ZNF710: variants seen among roughly 807,000 people sequenced by gnomAD.
ZNF710 encodes zinc finger protein 710.
A neutral mutation model predicts 50.6 loss-of-function variants in ZNF710; 13 were observed. The ratio of observed to expected loss-of-function variants is 0.26; its 90% confidence interval spans 0.17 to 0.41. The LOEUF (loss-of-function observed/expected upper bound fraction) is 0.41, where lower values mean the gene tolerates loss of function less well. Among genes scored for constraint, ZNF710 ranks in the 10% least tolerant of loss-of-function variants. The pLI, the probability that ZNF710 is intolerant of heterozygous loss-of-function variation, is 1.00. For missense variants in ZNF710, 721 were observed against 936.6 expected (o/e 0.77, Z 3.01); for synonymous variants, 383 against 397.0 (o/e 0.96, Z 0.42).
intron 1 of ZNF710, among the ~76,000 whole-genome samples, chr15:90,002,106 G>C (rs1229652143): frequency 3.3e-5 from 5 of 151,324 alleles, no homozygotes; most frequent in African/African-American, 9.7e-5. Context: ...CCGGTGCTGG[G>C]TGCGCTCCCC....
In ZNF710 at chr15:90,046,955, C is replaced by T. The variant is rs1269551229; in HGVS notation, c.-28-20155C>T. ...GGAGGCCACCATTGCTCTTCCTGGC[C>T]CCACCTGCTTCTCAGCATACTGCTG... On this transcript the variant is annotated intron_variant, in intron 1 of 4. Coordinates refer to ENST00000268154, the MANE Select transcript of ZNF710 (RefSeq NM_198526.4). Among the ~76,000 whole-genome samples the T allele has an allele frequency of 2.6e-5, 4 of 152,174 alleles. No individual in the cohort carries two copies. The East Asian group carries it at 7.7e-4, about 29-fold the overall frequency.
chr15:90,072,729 A>C lies in ZNF710; in HGVS notation c.1459-342A>C, dbSNP rs572858132. On this transcript the variant is annotated intron_variant, in intron 2 of 4. Coordinates refer to ENST00000268154, the MANE Select transcript of ZNF710 (RefSeq NM_198526.4). ...CAGGTGCCCGGTAAATGGTTGTTGA[A>C]TGAATGAATGAATGAGCACACATTT... is the stretch of plus-strand genomic sequence containing the variant. Among the ~76,000 whole-genome samples, 92 of 152,178 alleles carry C rather than the reference A, an allele frequency of 6.0e-4. No individual in the cohort carries two copies. The East Asian group carries it at 0.015, about 24-fold the overall frequency.
chr15:90,072,850 C>G (rs1900438342), intron 2 of ZNF710, among the ~76,000 whole-genome samples: 1 of 152,218 alleles, frequency 6.6e-6, no homozygotes, highest in Non-Finnish European at 1.5e-5. Flanking sequence ...CAGCCTATTT[C>G]TATTACTGAA....
chr15:90,005,320 A>C lies in ZNF710; in HGVS notation c.-29+3706A>C, dbSNP rs151124594. Among the ~76,000 whole-genome samples the C allele has an allele frequency of 3.2e-3, 491 of 152,288 alleles. 2 individuals carry two copies. The highest frequency in any genetic ancestry group is 0.01 in the African/African-American group (426 of 41,552). ...GGGAGGTGATTGATGGGAGCTGCAG[A>C]GTTGTGCTGTGAGTCATTGCTTCAA... On this transcript the variant is annotated intron_variant, in intron 1 of 4. Coordinates refer to ENST00000268154, the MANE Select transcript of ZNF710 (RefSeq NM_198526.4).
chr15:90,073,187 C>T lies in ZNF710; in HGVS notation c.1575C>T (p.Phe525=), dbSNP rs369313737. ...GGCCCTACCAGTGCCACATCTGCTT[C>T]AAGACCTTTGTACAGAAGCAGACTC... The part of the protein sequence containing the change: ...SVRPYQCHIC[F]KTFVQKQTLK... Residue 525 remains phenylalanine, a synonymous_variant, in exon 3 of 5, where the codon TTC becomes TTT. Coordinates refer to ENST00000268154, the MANE Select transcript of ZNF710 (RefSeq NM_198526.4). 3.7e-6 allele frequency: 6 copies of T among 1,614,104 alleles called. No individual in the cohort carries two copies. The highest frequency in any genetic ancestry group is 5.1e-6 in the Non-Finnish European group (6 of 1,180,050).
chr15:90,019,008 T>G (rs1181630778), intron 1 of ZNF710, among the ~76,000 whole-genome samples: 1 of 151,760 alleles, frequency 6.6e-6, no homozygotes, highest in Non-Finnish European at 1.5e-5. Flanking sequence ...TGATTTTTTT[T>G]TCTTGCTACA....
intron 1 of ZNF710, among the ~76,000 whole-genome samples, chr15:90,049,635 G>C (rs1210127988): frequency 6.6e-6 from 1 of 152,192 alleles, no homozygotes; most frequent in Non-Finnish European, 1.5e-5. Flanking sequence ...TCTGGGCTGA[G>C]CTGACCACGT....
At chr15:90,016,009 G>T (rs1023989596) in intron 1 of ZNF710, among the ~76,000 whole-genome samples, 8 of 152,170 alleles carry the variant, frequency 5.3e-5, no homozygotes, top group African/African-American at 1.9e-4. Context: ...GAGAGAGAGG[G>T]ATAGAATGCC....
At chr15:90,046,812 T>G (rs535951896) in intron 1 of ZNF710, among the ~76,000 whole-genome samples, 1 of 152,108 alleles carries the variant, frequency 6.6e-6, no homozygotes, top group South Asian at 2.1e-4. Context: ...AGCTGTGGTG[T>G]GGGTAAAGGT....
At position 90,045,917 on chromosome 15, in the gene ZNF710, G is replaced by A. The variant is rs189249937; in HGVS notation, c.-28-21193G>A. ...TGTCTCGGCACATTTCTGCCCTGTA[G>A]AAGGGGCACGTCGGGCAGCGGGCCT... is the stretch of plus-strand genomic sequence containing the variant. On this transcript the variant is annotated intron_variant, in intron 1 of 4. Coordinates refer to ENST00000268154, the MANE Select transcript of ZNF710 (RefSeq NM_198526.4). Among the ~76,000 whole-genome samples the A allele has an allele frequency of 6.7e-3, 1,019 of 152,274 alleles. 4 individuals carry two copies. Among genetic ancestry groups the A allele is most frequent in the Non-Finnish European group, 0.011 (715 of 68,016 alleles).
chr15:90,051,978 A>G (rs1240155870), intron 1 of ZNF710, among the ~76,000 whole-genome samples: 2 of 152,052 alleles, frequency 1.3e-5, no homozygotes, highest in African/African-American at 2.4e-5. Flanking sequence ...CTGGACTGAG[A>G]ACCATGTATC....
At chr15:90,061,001 CTG>C (rs1899989562) in intron 1 of ZNF710, among the ~76,000 whole-genome samples, 2 of 152,188 alleles carry the variant, frequency 1.3e-5, no homozygotes, top group African/African-American at 4.8e-5. Flanking sequence ...ACTGCTGAGG[CTG>C]TGTCAGGGAG....
chr15:90,065,064 A>T (rs564822171), intron 1 of ZNF710, among the ~76,000 whole-genome samples: 1 of 152,174 alleles, frequency 6.6e-6, no homozygotes, highest in East Asian at 1.9e-4. Context: ...CCTATTCCAG[A>T]TGCACCCTGA....
chr15:90,032,081 C>T (rs2151485654), intron 1 of ZNF710, among the ~76,000 whole-genome samples: 1 of 152,370 alleles, frequency 6.6e-6, no homozygotes, highest in South Asian at 2.1e-4. Flanking sequence ...ACTGCAACCT[C>T]TGGCTCCCAG....
chr15:90,020,783 G>A (rs1445234541), intron 1 of ZNF710, among the ~76,000 whole-genome samples: 1 of 152,112 alleles, frequency 6.6e-6, no homozygotes, highest in Non-Finnish European at 1.5e-5. Flanking sequence ...TTATCTGCCC[G>A]GTCCTCCCTC....
intron 1 of ZNF710, among the ~76,000 whole-genome samples, chr15:90,030,517 C>T (rs1372655609): frequency 6.6e-6 from 1 of 151,896 alleles, no homozygotes; most frequent in Admixed American, 6.6e-5. Flanking sequence ...AAACAGCTGG[C>T]AGGAGTTGAA....
rs766764223 is a variant in ZNF710 at position 90,079,815 on chromosome 15, T to C, written c.1981T>C (p.Tyr661His). ...ACAGGCCATGAAAGAGATGGCCTAC[T>C]ACAATGTGCTATAGCGCAAGCTGGG... ...TEQAMKEMAY[Y>H]NVL Residue 661 changes from tyrosine to histidine, a missense_variant, in exon 5 of 5, where the codon TAC becomes CAC. This residue lies in a region of ZNF710 where 69 missense variants were observed against 67.6 expected (regional missense o/e 1.02). Coordinates refer to ENST00000268154, the MANE Select transcript of ZNF710 (RefSeq NM_198526.4). The C allele has an allele frequency of 3.7e-6, 6 of 1,606,054 alleles. No homozygotes were observed. Among genetic ancestry groups the C allele is most frequent in the Non-Finnish European group, 5.1e-6 (6 of 1,177,358 alleles).
chr15:90,071,112 T>C (rs1004252546), intron 2 of ZNF710, among the ~76,000 whole-genome samples: 1 of 151,438 alleles, frequency 6.6e-6, no homozygotes. Flanking sequence ...AATACAAAAA[T>C]TAGTTGGGCG....
intron 1 of ZNF710, among the ~76,000 whole-genome samples, chr15:90,028,969 G>A (rs1898855784): frequency 6.6e-6 from 1 of 152,198 alleles, no homozygotes; most frequent in South Asian, 2.1e-4. Flanking sequence ...GTGAGAAGGA[G>A]TATTCATGTT....
Sources: allele counts gnomAD v4.1 joint callset (sites outside exome capture counted in the v4.1 genomes callset), GRCh38; gene constraint gnomAD v4.1.1; regional missense constraint gnomAD v4.1.1; transcripts MANE v1.5; gene names NCBI Gene and HGNC (gene_info 2026-07-23, HGNC 2026-07-21).